The following SPOP variants were observed in gnomAD, a reference collection of about 807,000 sequenced individuals.
The protein encoded by SPOP is speckle type BTB/POZ protein.
In SPOP, 11 loss-of-function variants were observed where a neutral mutation model predicts 45.6. The ratio of observed to expected loss-of-function variants is 0.24; its 90% CI spans 0.15 to 0.40. SPOP has a LOEUF of 0.40. Among genes scored for constraint, SPOP ranks in the 10% least tolerant of loss-of-function variants. The probability of loss-of-function intolerance (pLI) is 1.00; values close to 1 mark genes in which losing one functional copy is unlikely to be tolerated. For synonymous variants in SPOP, 166 were observed against 166.3 expected, an observed-to-expected ratio of 1.00 and a Z score of 0.01; for missense variants, 152 against 465.6, an observed-to-expected ratio of 0.33 and a Z score of 6.20.
intron 5 of SPOP, among the ~76,000 whole-genome samples, chr17:49,615,427 T>C (rs966451634): frequency 6.6e-6 from 1 of 152,176 alleles, no homozygotes; most frequent in African/African-American, 2.4e-5. Context: ...TCATGAAGAT[T>C]TTCTGTGGAC....
intron 1 of SPOP, among the ~76,000 whole-genome samples, chr17:49,663,152 G>A (rs1243267323): frequency 1.3e-5 from 2 of 152,218 alleles, no homozygotes; most frequent in Non-Finnish European, 2.9e-5. Flanking sequence ...GAGGTGAGAG[G>A]TGGACGGGCG....
At chr17:49,648,556 A>G (rs1228838333) in intron 1 of SPOP, among the ~76,000 whole-genome samples, 1 of 152,144 alleles carries the variant, frequency 6.6e-6, no homozygotes, top group Non-Finnish European at 1.5e-5. Flanking sequence ...TACACCTGCT[A>G]TGAATGTTTC....
At chr17:49,677,791 G>A in intron 1 of SPOP, 142 bp downstream of exon 1, 1 of 387,920 alleles carries the variant, frequency 2.6e-6, no homozygotes, top group East Asian at 3.7e-5. Context: ...CGTAATCCGG[G>A]TGTAGGAAAT....
chr17:49,622,067 T>A lies in SPOP; in HGVS notation c.79A>T (p.Ile27Phe). Residue 27 changes from isoleucine to phenylalanine, a missense_variant and splice_region_variant, in exon 3 of 10, where the codon ATC becomes TTC. By Grantham distance (21) the Ile-to-Phe change is conservative. Coordinates refer to ENST00000504102, the MANE Select transcript of SPOP (RefSeq NM_001007228.2). ...PVAESWCYTQIKVVKFSYMWT... is the reference protein window; with the variant it reads ...PVAESWCYTQFKVVKFSYMWT... ...ATGTAGGAGAATTTCACTACCTTGA[T>A]CTGTTGATAGAAAAACAGGAAGCAA... 6.2e-7 allele frequency: 1 copy of A among 1,613,344 alleles called. No individual in the cohort carries two copies.
chr17:49,613,609 GAC>G (rs2072021909), intron 5 of SPOP, among the ~76,000 whole-genome samples: 1 of 152,124 alleles, frequency 6.6e-6, no homozygotes, highest in Non-Finnish European at 1.5e-5. Flanking sequence ...CCTCTCTCTG[GAC>G]ACAGACAGGA....
At chr17:49,640,024 A>G (rs927512158) in intron 1 of SPOP, among the ~76,000 whole-genome samples, 6 of 152,042 alleles carry the variant, frequency 3.9e-5, no homozygotes, top group African/African-American at 1.4e-4. Context: ...CTGAGGAGGG[A>G]GGATCACTTG....
At chr17:49,671,295 G>C (rs189175468) in intron 1 of SPOP, among the ~76,000 whole-genome samples, 1 of 151,344 alleles carries the variant, frequency 6.6e-6, no homozygotes, top group Non-Finnish European at 1.5e-5. Context: ...CCTGTTAGAG[G>C]TTGGTGCAAA....
Position 49,619,516 on chromosome 17 carries a change from G to T in SPOP, c.201-131C>A. The stretch of plus-strand genomic sequence containing the variant: ...ATAGAAGAATATAATTCAGTAGAAT[G>T]ACTAGTTGGGAACAACTTTTTTCTC... On this transcript the variant is annotated intron_variant, in intron 3 of 9. Transcript: ENST00000504102. The surrounding 1 kb of genome is among the most constrained non-coding windows in gnomAD (Gnocchi z 4.9). 1 of 1,029,990 alleles carries T rather than the reference G, an allele frequency of 9.7e-7. No individual in the cohort carries two copies. The highest frequency in any genetic ancestry group is 1.4e-6 in the Non-Finnish European group (1 of 728,226). 63.8% of individuals were successfully genotyped at this position (1,029,990 alleles called of 1,614,324 possible).
At chr17:49,603,429 A>T (rs1441695807) in intron 8 of SPOP, among the ~76,000 whole-genome samples, 1 of 152,224 alleles carries the variant, frequency 6.6e-6, no homozygotes, top group African/African-American at 2.4e-5. Context: ...ATAATTAGAC[A>T]AAAGTAGCCA....
intron 1 of SPOP, among the ~76,000 whole-genome samples, chr17:49,667,089 A>C (rs942830091): frequency 6.6e-6 from 1 of 151,718 alleles, no homozygotes; most frequent in Admixed American, 6.6e-5. Flanking sequence ...GAGGCAGGAG[A>C]ATCACTTGAA....
intron 7 of SPOP, 34 bp downstream of exon 7, chr17:49,607,840 G>A: frequency 6.3e-7 from 1 of 1,592,258 alleles, no homozygotes; most frequent in Non-Finnish European, 8.6e-7. Context: ...CTAGATACCT[G>A]GCTAAACAGA....
At chr17:49,609,128 C>T (rs973441305) in intron 6 of SPOP, among the ~76,000 whole-genome samples, 8 of 152,198 alleles carry the variant, frequency 5.3e-5, no homozygotes, top group Non-Finnish European at 1.2e-4. Flanking sequence ...AGGCTGGTGT[C>T]GAACTCCTGA....
intron 1 of SPOP, chr17:49,646,658 T>A (rs1183716163): frequency 1.3e-5 from 2 of 152,236 alleles, no homozygotes; most frequent in African/African-American, 4.8e-5. Flanking sequence ...CAGTATTCAA[T>A]GTTTCACAGT....
intron 1 of SPOP, among the ~76,000 whole-genome samples, chr17:49,666,360 G>A (rs2073057777): frequency 6.6e-6 from 1 of 150,934 alleles, no homozygotes; most frequent in African/African-American, 2.4e-5. Flanking sequence ...GAGACCTAAA[G>A]GTGAAAAGCA....
chr17:49,608,304 G>C (rs1375397466), intron 6 of SPOP, among the ~76,000 whole-genome samples: 1 of 152,096 alleles, frequency 6.6e-6, no homozygotes, highest in African/African-American at 2.4e-5. Context: ...GTTTTTGTTG[G>C]AACTGACACC....
intron 1 of SPOP, among the ~76,000 whole-genome samples, chr17:49,624,613 C>A (rs540387599): frequency 1.3e-5 from 2 of 152,110 alleles, no homozygotes; most frequent in Non-Finnish European, 2.9e-5. Context: ...GGACTACAGG[C>A]GTGCACCACC....
intron 8 of SPOP, among the ~76,000 whole-genome samples, chr17:49,605,043 C>A (rs976608489): frequency 2.0e-5 from 3 of 152,120 alleles, no homozygotes; most frequent in African/African-American, 7.2e-5. Context: ...ATAAGACTTT[C>A]CCACCAACCT....
Position 49,678,079 on chromosome 17 carries a change from A to G in SPOP, c.-213T>C. The G allele has an allele frequency of 2.5e-6, 1 of 397,584 alleles. No individual in the cohort carries two copies. 24.6% of individuals were successfully genotyped at this position (397,584 alleles called of 1,614,324 possible). On this transcript the variant is annotated 5_prime_UTR_variant, in exon 1 of 10. Transcript: ENST00000504102. ...CTCACACACACACATACACACCGACACACACCAGCCGGGGCGTCATGGCGT... is the reference window on the plus strand; with the variant it reads ...CTCACACACACACATACACACCGACGCACACCAGCCGGGGCGTCATGGCGT...
Position 49,600,541 on chromosome 17 carries a change from A to C in SPOP, c.981-19T>G, listed in dbSNP as rs2071720881. 1 of 1,613,806 alleles carries C rather than the reference A, an allele frequency of 6.2e-7. No homozygotes were observed. On this transcript the variant is annotated intron_variant, in intron 9 of 9. Coordinates refer to ENST00000504102, the MANE Select transcript of SPOP (RefSeq NM_001007228.2). This position sits in a 1 kb window ranked among gnomAD's most constrained non-coding sequence, Gnocchi z 4.2. ...AGCATGACTAGGAGAAATGTGGAGA[A>C]ATGGGTTACCAAAGGGAGTGAGCAA...
Sources: allele counts gnomAD v4.1 joint callset (sites outside exome capture counted in the v4.1 genomes callset), GRCh38; gene constraint gnomAD v4.1.1; non-coding constraint Gnocchi (gnomAD v3.1); transcripts MANE v1.5; gene names NCBI Gene and HGNC (gene_info 2026-07-23, HGNC 2026-07-21).